DLG2: variants seen among roughly 807,000 people sequenced by gnomAD.
The protein encoded by DLG2 is disks large homolog 2.
Under a neutral mutation model 132.5 loss-of-function variants are expected in DLG2, and 45 were observed. That is an observed-to-expected ratio of 0.34 (90% CI 0.27 to 0.44). DLG2 has a LOEUF of 0.44. Ranked by LOEUF, DLG2 falls within the 20% of genes least tolerant of loss-of-function variation. The probability of loss-of-function intolerance (pLI) is 1.00; values close to 1 mark genes in which losing one functional copy is unlikely to be tolerated. For synonymous variants in DLG2, 424 were observed against 419.6 expected, an observed-to-expected ratio of 1.01 and a Z score of -0.13; for missense variants, 1,045 against 1,196.9, an observed-to-expected ratio of 0.87 and a Z score of 1.87.
chr11:84,537,304 A>G (rs1259086757), intron 6 of DLG2, among the ~76,000 whole-genome samples: 1 of 151,882 alleles, frequency 6.6e-6, no homozygotes, highest in East Asian at 1.9e-4. Flanking sequence ...CCGGGGTTTC[A>G]CCATCTTAGC....
intron 3 of DLG2, among the ~76,000 whole-genome samples, chr11:85,472,453 C>G (rs567542009): frequency 5.9e-5 from 9 of 152,272 alleles, no homozygotes; most frequent in African/African-American, 1.9e-4. Context: ...AGGCACACCA[C>G]CAAGCCCAGC....
At chr11:84,965,292 T>C (rs2154111768) in intron 6 of DLG2, among the ~76,000 whole-genome samples, 1 of 152,198 alleles carries the variant, frequency 6.6e-6, no homozygotes, top group South Asian at 2.1e-4. Flanking sequence ...TGTGTGTGTG[T>C]GTGCACGGTT....
At chr11:83,957,745 C>G (rs1252348026) in intron 14 of DLG2, among the ~76,000 whole-genome samples, 7 of 152,246 alleles carry the variant, frequency 4.6e-5, no homozygotes, top group Admixed American at 2.6e-4. Context: ...TCTGGCCAAA[C>G]TGGACTTTAT....
chr11:85,377,803 A>ATATATATATATATATATATATGTG (rs35141583), intron 3 of DLG2, among the ~76,000 whole-genome samples: 7 of 131,290 alleles, frequency 5.3e-5, no homozygotes, highest in Non-Finnish European at 8.1e-5. Context: ...ATATATATAT[A>ATATATATATATATATATATATGTG]TGTGTGTGTG....
intron 19 of DLG2, among the ~76,000 whole-genome samples, chr11:83,627,822 T>G (rs888198248): frequency 3.3e-5 from 5 of 152,176 alleles, no homozygotes; most frequent in African/African-American, 1.2e-4. Context: ...TAGTTTACAC[T>G]CCCACCAACA....
chr11:84,350,011 AC>A (rs1354400873), intron 7 of DLG2, among the ~76,000 whole-genome samples: 2 of 152,090 alleles, frequency 1.3e-5, no homozygotes, highest in Admixed American at 1.3e-4. Flanking sequence ...CCCCGTCTCT[AC>A]TAAAAATACA....
At chr11:85,031,429 T>C (rs1200057048) in intron 6 of DLG2, among the ~76,000 whole-genome samples, 1 of 152,176 alleles carries the variant, frequency 6.6e-6, no homozygotes, top group African/African-American at 2.4e-5. Flanking sequence ...TGACAACATA[T>C]ATGATGGTTT....
At chr11:83,472,706 A>C (rs371621269) in intron 23 of DLG2, 21 bp downstream of exon 23, 98 of 1,608,772 alleles carry the variant, frequency 6.1e-5, no homozygotes, top group Admixed American at 5.4e-4. Flanking sequence ...ATTAGGAATG[A>C]AAGCGTGCTG....
At chr11:84,302,333 A>G (rs1332260162) in intron 7 of DLG2, among the ~76,000 whole-genome samples, 2 of 152,182 alleles carry the variant, frequency 1.3e-5, no homozygotes, top group African/African-American at 2.4e-5. Flanking sequence ...GTATCCCAGA[A>G]GTATAATTTT....
chr11:85,564,830 G>A (rs1459876539), intron 3 of DLG2, among the ~76,000 whole-genome samples: 1 of 151,768 alleles, frequency 6.6e-6, no homozygotes, highest in South Asian at 2.1e-4. Flanking sequence ...AGCAATTTGG[G>A]GAGAACTAGC....
chr11:84,097,651 C>A (rs2097184137), intron 10 of DLG2, among the ~76,000 whole-genome samples: 1 of 152,094 alleles, frequency 6.6e-6, no homozygotes, highest in African/African-American at 2.4e-5. Flanking sequence ...TCTTACCTCC[C>A]ACAATAATTT....
chr11:84,110,586 C>T (rs142756918), intron 9 of DLG2, among the ~76,000 whole-genome samples: 1 of 152,168 alleles, frequency 6.6e-6, no homozygotes, highest in African/African-American at 2.4e-5. Context: ...CATGCAAGTC[C>T]GATCCCAAAG....
chr11:83,678,627 G>C (rs2078185773), intron 18 of DLG2, among the ~76,000 whole-genome samples: 1 of 152,080 alleles, frequency 6.6e-6, no homozygotes, highest in South Asian at 2.1e-4. Flanking sequence ...GTGAGCTTAG[G>C]AATGTTTGGG....
intron 6 of DLG2, among the ~76,000 whole-genome samples, chr11:84,745,582 C>A (rs1275554713): frequency 6.6e-6 from 1 of 152,030 alleles, no homozygotes; most frequent in East Asian, 1.9e-4. Flanking sequence ...ATGAGAATGG[C>A]CTAATAACAG....
Position 85,069,974 on chromosome 11 carries a change from T to C in DLG2, c.357+41687A>G, listed in dbSNP as rs1318037642. Among the ~76,000 whole-genome samples the C allele has an allele frequency of 1.9e-4, 29 of 152,060 alleles. 1 individual carries two copies. The South Asian group carries it at 5.8e-3, about 30-fold the overall frequency. ...TACACCATGGAATACTATGCAGCCA[T>C]AAAAAATGATGAGTTCATGTCCTTT... On this transcript the variant is annotated intron_variant, in intron 6 of 27. Coordinates refer to ENST00000376104, the MANE Select transcript of DLG2 (RefSeq NM_001142699.3).
intron 6 of DLG2, among the ~76,000 whole-genome samples, chr11:84,904,120 T>C (rs968818280): frequency 1.3e-5 from 2 of 152,108 alleles, no homozygotes; most frequent in South Asian, 4.1e-4. Context: ...TTCTTTAAAA[T>C]TGGCATCATA....
intron 4 of DLG2, among the ~76,000 whole-genome samples, chr11:85,200,335 G>T (rs190341787): frequency 5.9e-5 from 9 of 152,316 alleles, no homozygotes; most frequent in African/African-American, 2.2e-4. Context: ...GTTTAAATCA[G>T]TCTTGACAGT....
At chr11:85,463,295 T>A (rs1204679192) in intron 3 of DLG2, among the ~76,000 whole-genome samples, 1 of 152,164 alleles carries the variant, frequency 6.6e-6, no homozygotes, top group African/African-American at 2.4e-5. Context: ...AAATGAAAGT[T>A]CAATCAGAAG....
rs149764489 is a variant in DLG2 at position 83,908,479 on chromosome 11, C to T, written c.1496+21849G>A. 5.7e-3 allele frequency among the ~76,000 whole-genome samples: 873 copies of T among 152,186 alleles called. 7 individuals carry two copies. The highest frequency in any genetic ancestry group is 0.02 in the African/African-American group (826 of 41,546). ...GCACATGAGCATATATGCATGCACA[C>T]ACACGAGCATATGCACGCATGTACA... On this transcript the variant is annotated intron_variant, in intron 15 of 27. Coordinates refer to ENST00000376104, the MANE Select transcript of DLG2 (RefSeq NM_001142699.3).
Sources: allele counts gnomAD v4.1 joint callset (sites outside exome capture counted in the v4.1 genomes callset), GRCh38; gene constraint gnomAD v4.1.1; transcripts MANE v1.5; gene names NCBI Gene and HGNC (gene_info 2026-07-23, HGNC 2026-07-21).